The following TLR5 variants were observed in gnomAD, a reference collection of about 807,000 sequenced individuals.
TLR5 encodes the protein toll-like receptor 5.
For missense variants in TLR5, 944 were observed against 999.8 expected (o/e 0.94, Z 0.75); for synonymous variants, 373 against 384.4 (o/e 0.97, Z 0.35).
intron 5 of TLR5, among the ~76,000 whole-genome samples, chr1:223,117,156 G>A (rs1048074196): frequency 6.6e-6 from 1 of 151,998 alleles, no homozygotes; most frequent in Non-Finnish European, 1.5e-5. Context: ...GGCGGGGCCG[G>A]CAGTGCTGGG....
intron 5 of TLR5, among the ~76,000 whole-genome samples, chr1:223,118,380 C>T (rs553533614): frequency 1.3e-5 from 2 of 151,700 alleles, no homozygotes; most frequent in East Asian, 2.0e-4. Context: ...AACCCCATCT[C>T]TACTAAAAAT....
chr1:223,123,844 T>G (rs1270546604), intron 5 of TLR5: 1 of 152,154 alleles, frequency 6.6e-6, no homozygotes, highest in Non-Finnish European at 1.5e-5. Flanking sequence ...TCCACGCTGT[T>G]GAGGTTGCCG....
chr1:223,121,609 C>A (rs1656957182), intron 5 of TLR5, among the ~76,000 whole-genome samples: 1 of 152,234 alleles, frequency 6.6e-6, no homozygotes, highest in Non-Finnish European at 1.5e-5. Context: ...GCCTTAATTT[C>A]CTGGGCTCAA....
chr1:223,116,774 G>A (rs1375241214), intron 5 of TLR5, among the ~76,000 whole-genome samples: 2 of 152,138 alleles, frequency 1.3e-5, no homozygotes, highest in East Asian at 1.9e-4. Flanking sequence ...TAGACACAGA[G>A]CACTGATTAG....
rs766345502 is a variant in TLR5 at position 223,112,881 on chromosome 1, G to C, written c.151C>G (p.Leu51Val). Residue 51 changes from leucine (L) to valine (V), a missense_variant, in exon 6 of 6, where the codon CTC becomes GTC. Transcript: ENST00000642603. ...VPQVLNTTER[L>V]LLSFNYIRTV... ...CTGATATAGTTGAAGCTCAGCAGGAGCCTCTCAGTGGTGTTGAGGACCTGG... is the reference window on the plus strand; with the variant it reads ...CTGATATAGTTGAAGCTCAGCAGGACCCTCTCAGTGGTGTTGAGGACCTGG... 5.6e-6 allele frequency: 9 copies of C among 1,614,168 alleles called. No homozygotes were observed. The highest frequency in any genetic ancestry group is 7.6e-6 in the Non-Finnish European group (9 of 1,180,030).
At position 223,113,034 on chromosome 1, in the gene TLR5, T is replaced by G; in HGVS notation, c.-3A>C. ...AGAAGGTCCAGGTGGTCTCCCATGA[T>G]CCTATGGAGAAGAAGGGAGAATGAA... On this transcript the variant is annotated splice_region_variant and 5_prime_UTR_variant, in exon 6 of 6. Transcript: ENST00000642603. The G allele has an allele frequency of 6.2e-7, 1 of 1,613,974 alleles. No individual in the cohort carries two copies. The highest frequency in any genetic ancestry group is 8.5e-7 in the Non-Finnish European group (1 of 1,179,944).
At chr1:223,140,971 G>A (rs1031516684) in intron 2 of TLR5, among the ~76,000 whole-genome samples, 7 of 152,232 alleles carry the variant, frequency 4.6e-5, no homozygotes, top group African/African-American at 1.7e-4. Flanking sequence ...GTCCCAGAGA[G>A]CGGAAGACAC....
chr1:223,110,374 G>A lies in TLR5; in HGVS notation c.*81C>T. Reference sequence around the variant, plus strand: ...AAAGAAAAAAAAAACCTCCAGAGAGGACCCCAAAATGATAACTTGGTGCAA... The same window carrying A: ...AAAGAAAAAAAAAACCTCCAGAGAGAACCCCAAAATGATAACTTGGTGCAA... On this transcript the variant is annotated 3_prime_UTR_variant, in exon 6 of 6. Transcript: ENST00000642603. The A allele has an allele frequency of 6.7e-7, 1 of 1,492,794 alleles. No homozygotes were observed. Among genetic ancestry groups the A allele is most frequent in the South Asian group, 1.2e-5 (1 of 85,442 alleles). 92.5% of individuals were successfully genotyped at this position (1,492,794 alleles called of 1,614,324 possible). A position where few individuals can be genotyped will look rare whatever the true frequency, so the allele number is the denominator to read the frequency against.
At chr1:223,133,194 G>A (rs1352647160) in intron 4 of TLR5, among the ~76,000 whole-genome samples, 1 of 152,144 alleles carries the variant, frequency 6.6e-6, no homozygotes, top group Admixed American at 6.5e-5. Context: ...GGCTTATAGT[G>A]CTTTTCATTA....
chr1:223,111,209 A>G lies in TLR5; in HGVS notation c.1823T>C (p.Ile608Thr). 6.2e-7 allele frequency: 1 copy of G among 1,614,192 alleles called. No individual in the cohort carries two copies. The highest frequency in any genetic ancestry group is 8.5e-7 in the Non-Finnish European group (1 of 1,180,026). Residue 608 changes from isoleucine to threonine, a missense_variant, in exon 6 of 6, where the codon ATA becomes ACA. By Grantham distance (89) the Ile-to-Thr change is moderately conservative. Transcript: ENST00000642603. The stretch of plus-strand genomic sequence containing the variant: ...GAACGAGTCAGGGTACACACAATAT[A>G]TGTCTGCAGGAGGCCCAGCTATAGT... ...NVTIAGPPAD[I>T]YCVYPDSFSG... is the part of the protein sequence containing the mutation.
At chr1:223,142,721 T>G (rs1398495457) in intron 1 of TLR5, among the ~76,000 whole-genome samples, 1 of 152,144 alleles carries the variant, frequency 6.6e-6, no homozygotes, top group Non-Finnish European at 1.5e-5. Context: ...TAGGGCCTTT[T>G]GTTGAGCAGC....
rs148125956 is a variant in TLR5 at position 223,110,705 on chromosome 1, T to C, written c.2327A>G (p.Gln776Arg). The change falls in exon 6 of 6, where the codon CAG (glutamine) becomes CGG (arginine). Residue 776 changes from glutamine (Q) to arginine (R), a missense_variant. Physicochemically the swap from Gln to Arg is conservative, Grantham distance 43. Transcript: ENST00000642603. ...GTTAAGGTCAGATAAGCACCTGCCC[T>C]GGGCATAACTGAAGGCTTCAAGGCA... ...GWCLEAFSYA[Q>R]GRCLSDLNSA... 141 of 1,614,212 alleles carry C rather than the reference T, an allele frequency of 8.7e-5. 1 individual carries two copies. The African/African-American group carries it at 1.2e-3, about 14-fold the overall frequency.
At chr1:223,123,023 T>C (rs1657013928) in intron 5 of TLR5, among the ~76,000 whole-genome samples, 1 of 152,194 alleles carries the variant, frequency 6.6e-6, no homozygotes, top group Non-Finnish European at 1.5e-5. Context: ...GAAAAGAGAA[T>C]AGAAAATTTG....
chr1:223,122,329 G>A (rs1320203937), intron 5 of TLR5, among the ~76,000 whole-genome samples: 3 of 152,214 alleles, frequency 2.0e-5, no homozygotes, highest in African/African-American at 7.2e-5. Flanking sequence ...CCTAAATCCA[G>A]CTCCAGGGTT....
In TLR5 at chr1:223,112,260, A is replaced by G; in HGVS notation, c.772T>C (p.Leu258=). The G allele has an allele frequency of 6.2e-7, 1 of 1,614,236 alleles. No homozygotes were observed. The highest frequency in any genetic ancestry group is 8.5e-7 in the Non-Finnish European group (1 of 1,180,050). Reference sequence around the variant, plus strand: ...CCCATGATGTGGTGGGCAAGAATCAAAGAGAAGGCCTGGCTTTTGCTGATG... The same window carrying G: ...CCCATGATGTGGTGGGCAAGAATCAGAGAGAAGGCCTGGCTTTTGCTGATG... ...NAISKSQAFS[L]ILAHHIMGAG... is the part of the protein sequence containing the mutation. Residue 258 remains leucine (L), a synonymous_variant, in exon 6 of 6, where the codon TTG becomes CTG. Transcript: ENST00000642603.
At chr1:223,125,161 A>G (rs1218086386) in intron 5 of TLR5, among the ~76,000 whole-genome samples, 2 of 152,220 alleles carry the variant, frequency 1.3e-5, no homozygotes, top group Non-Finnish European at 2.9e-5. Flanking sequence ...CAGCATATCA[A>G]TAGTCTTCCC....
Position 223,112,788 on chromosome 1 carries a change from T to C in TLR5, c.244A>G (p.Thr82Ala). Residue 82 changes from threonine (T) to alanine (A), a missense_variant, in exon 6 of 6, where the codon ACC (threonine) becomes GCC (alanine). Physicochemically the swap from Thr to Ala is moderately conservative, Grantham distance 58. Coordinates refer to ENST00000642603, the MANE Select transcript of TLR5 (RefSeq NM_003268.6). ...GCCTCCTTGTCAATAGTCAAGGGGGTATACTGGCTCCCGAGCTCCAGCAGC... is the reference window on the plus strand; with the variant it reads ...GCCTCCTTGTCAATAGTCAAGGGGGCATACTGGCTCCCGAGCTCCAGCAGC... ...LQLLELGSQY[T>A]PLTIDKEAFR... is the part of the protein sequence containing the mutation. 3 of 1,612,946 alleles carry C rather than the reference T, an allele frequency of 1.9e-6. No homozygotes were observed. Among genetic ancestry groups the C allele is most frequent in the Non-Finnish European group, 2.5e-6 (3 of 1,179,348 alleles).
At chr1:223,115,721 GA>G (rs1226410528) in intron 5 of TLR5, among the ~76,000 whole-genome samples, 1 of 152,210 alleles carries the variant, frequency 6.6e-6, no homozygotes. Flanking sequence ...GGAAAAAGGA[GA>G]TGGGGGTGCC....
chr1:223,140,494 C>CAGAGTTG (rs1657794293), intron 2 of TLR5, among the ~76,000 whole-genome samples: 1 of 150,248 alleles, frequency 6.7e-6, no homozygotes. Context: ...TTGCAGTGAG[C>CAGAGTTG]CAAGATCACA....
Sources: allele counts gnomAD v4.1 joint callset (sites outside exome capture counted in the v4.1 genomes callset), GRCh38; gene constraint gnomAD v4.1.1; transcripts MANE v1.5; gene names NCBI Gene and HGNC (gene_info 2026-07-23, HGNC 2026-07-21).